RAD51B: variants seen among roughly 807,000 people sequenced by gnomAD.
RAD51B encodes the protein DNA repair protein RAD51 homolog 2.
In RAD51B, 38 loss-of-function variants were observed where a neutral mutation model predicts 42.2. The observed-to-expected ratio is 0.90, with a 90% CI of 0.70 to 1.18. The LOEUF (loss-of-function observed/expected upper bound fraction) is 1.18, where lower values mean the gene tolerates loss of function less well. Ranked by LOEUF, RAD51B falls within the 50% of genes most tolerant of loss-of-function variation. RAD51B has a pLI of 0.00. For missense variants in RAD51B, 373 were observed against 400.7 expected (o/e 0.93, Z 0.59); for synonymous variants, 154 against 145.2 (o/e 1.06, Z -0.43).
intron 7 of RAD51B, chr14:67,908,473 G>C (rs957450278): frequency 6.6e-6 from 1 of 151,828 alleles, no homozygotes; most frequent in Non-Finnish European, 1.5e-5. Flanking sequence ...TAGGATTTCT[G>C]TGAGTAAATT....
Position 68,256,858 on chromosome 14 carries a change from A to G in RAD51B, c.757-35026A>G, listed in dbSNP as rs1395395236. On this transcript the variant is annotated intron_variant, in intron 7 of 10. Coordinates refer to ENST00000471583, the MANE Select transcript of RAD51B (RefSeq NM_133510.4). ...TCAGATAAATACTAAAGTCATAAAC[A>G]TAAAATCTGGATTTATTCATATAAG... is the stretch of plus-strand genomic sequence containing the variant. 3.3e-5 allele frequency among the ~76,000 whole-genome samples: 5 copies of G among 152,354 alleles called. No homozygotes were observed. In the East Asian group the frequency reaches 9.6e-4, roughly 29 times the overall value.
In RAD51B at chr14:67,854,742, C is replaced by T. The variant is rs557803341; in HGVS notation, c.316-10261C>T. On this transcript the variant is annotated intron_variant, in intron 4 of 10. Coordinates refer to ENST00000471583, the MANE Select transcript of RAD51B (RefSeq NM_133510.4). ...CTTTGGGAGGCTGAAGCAGAAGGAT[C>T]GCTTGAGGCCAGGAGTTTGAGACCA... 8.2e-4 allele frequency among the ~76,000 whole-genome samples: 125 copies of T among 151,880 alleles called. 1 individual carries two copies. The highest frequency in any genetic ancestry group is 2.8e-4 in the Non-Finnish European group (19 of 67,958).
chr14:68,301,521 A>G, intron 8 of RAD51B, among the ~76,000 whole-genome samples: 1 of 151,980 alleles, frequency 6.6e-6, no homozygotes, highest in East Asian at 1.9e-4. Flanking sequence ...GGATACTACA[A>G]AACTAAGGTA....
intron 9 of RAD51B, among the ~76,000 whole-genome samples, chr14:68,462,486 A>G (rs1411840140): frequency 6.6e-6 from 1 of 152,238 alleles, no homozygotes; most frequent in Non-Finnish European, 1.5e-5. Context: ...TCCAGATGGT[A>G]GTGGGATTGG....
At chr14:68,171,341 C>T (rs1350211182) in intron 7 of RAD51B, among the ~76,000 whole-genome samples, 1 of 152,122 alleles carries the variant, frequency 6.6e-6, no homozygotes, top group African/African-American at 2.4e-5. Flanking sequence ...TCCTGTTGCC[C>T]AGTCTGGAGT....
chr14:67,981,888 A>C (rs1237997903), intron 7 of RAD51B, among the ~76,000 whole-genome samples: 1 of 152,208 alleles, frequency 6.6e-6, no homozygotes, highest in East Asian at 1.9e-4. Flanking sequence ...CTGTGATGAT[A>C]GTTTTGCAGG....
intron 9 of RAD51B, among the ~76,000 whole-genome samples, chr14:68,459,804 G>C (rs2085797939): frequency 6.6e-6 from 1 of 152,198 alleles, no homozygotes; most frequent in South Asian, 2.1e-4. Flanking sequence ...GGGATAGAAA[G>C]AAAGCCAGTC....
chr14:68,394,744 G>A (rs949063126), intron 8 of RAD51B, among the ~76,000 whole-genome samples: 1 of 152,198 alleles, frequency 6.6e-6, no homozygotes, highest in Admixed American at 6.5e-5. Context: ...GAGGCTTTGG[G>A]CCCGGGCTCC....
chr14:68,095,430 T>C lies in RAD51B; in HGVS notation c.757-196454T>C, dbSNP rs577827234. ...GATCATGCTTAATTGTGTTACAATA[T>C]AAAGAAGTCTTCCTCCATGGTATTT... On this transcript the variant is annotated intron_variant, in intron 7 of 10. Transcript: ENST00000471583. 7.9e-5 allele frequency among the ~76,000 whole-genome samples: 12 copies of C among 152,274 alleles called. No homozygotes were observed. In the East Asian group the frequency reaches 2.3e-3, roughly 29 times the overall value.
chr14:68,354,528 A>G (rs573646218), intron 8 of RAD51B, among the ~76,000 whole-genome samples: 1 of 151,868 alleles, frequency 6.6e-6, no homozygotes, highest in South Asian at 2.1e-4. Flanking sequence ...AATGTTTTAA[A>G]CGAGTAAAAT....
intron 2 of RAD51B, among the ~76,000 whole-genome samples, chr14:67,824,947 G>A (rs1432133257): frequency 6.6e-6 from 1 of 151,660 alleles, no homozygotes; most frequent in Non-Finnish European, 1.5e-5. Context: ...GCATGGTAGT[G>A]AGTGCCTGTA....
At chr14:68,395,996 G>A (rs948709788) in intron 8 of RAD51B, among the ~76,000 whole-genome samples, 7 of 152,150 alleles carry the variant, frequency 4.6e-5, no homozygotes, top group Non-Finnish European at 7.4e-5. Context: ...AGAATCCACC[G>A]TTAGGGTCTA....
chr14:68,561,815 C>T (rs2842327), intron 10 of RAD51B, among the ~76,000 whole-genome samples: 1 of 152,054 alleles, frequency 6.6e-6, no homozygotes, highest in Non-Finnish European at 1.5e-5. Flanking sequence ...ATGAACATAC[C>T]GGCTTTAGAG....
At chr14:68,514,853 T>C (rs181946940) in intron 10 of RAD51B, among the ~76,000 whole-genome samples, 4,051 of 152,314 alleles carry the variant, frequency 0.027, 171 homozygotes, top group East Asian at 0.093. Context: ...TCTCACTGGC[T>C]GTTTTCTTTC....
chr14:68,291,244 G>A (rs1383440306), intron 7 of RAD51B, among the ~76,000 whole-genome samples: 1 of 151,904 alleles, frequency 6.6e-6, no homozygotes, highest in Non-Finnish European at 1.5e-5. Flanking sequence ...TGTTGTCCAG[G>A]CTAGAGTGCA....
rs61986915 is a variant in RAD51B, at chr14:68,418,214, A to T, written c.957+6687A>T. ...AAGGTAAAGGCACTTTAACACCAAAAAGTAGAAAGGACATATCTAGAAGGA... is the reference window on the plus strand; with the variant it reads ...AAGGTAAAGGCACTTTAACACCAAATAGTAGAAAGGACATATCTAGAAGGA... On this transcript the variant is annotated intron_variant, in intron 9 of 10. Coordinates refer to ENST00000471583, the MANE Select transcript of RAD51B (RefSeq NM_133510.4). Among the ~76,000 whole-genome samples the T allele has an allele frequency of 5.1e-3, 772 of 152,304 alleles. 5 individuals are homozygous for T. Among genetic ancestry groups the T allele is most frequent in the South Asian group, 0.034 (164 of 4,820 alleles).
chr14:67,881,661 A>G (rs578059331), intron 5 of RAD51B, among the ~76,000 whole-genome samples: 1 of 152,248 alleles, frequency 6.6e-6, no homozygotes, highest in Middle Eastern at 3.4e-3. Flanking sequence ...AGGTGATTGT[A>G]AGCTCATTGT....
chr14:68,431,730 G>GT (rs1207269103), intron 9 of RAD51B, among the ~76,000 whole-genome samples: 5 of 152,100 alleles, frequency 3.3e-5, no homozygotes, highest in African/African-American at 1.2e-4. Context: ...TTTTTGAAGG[G>GT]TTTTTTATGT....
chr14:68,542,028 A>G (rs977363083), intron 10 of RAD51B, among the ~76,000 whole-genome samples: 2 of 152,212 alleles, frequency 1.3e-5, no homozygotes, highest in Admixed American at 6.5e-5. Context: ...CTTTCCTAAT[A>G]TATTATGTAC....
Sources: gnomAD v4.1 joint callset for allele counts (sites outside exome capture counted in the v4.1 genomes callset) on GRCh38, gnomAD v4.1.1 for gene constraint, MANE v1.5 for transcripts, NCBI Gene and HGNC (gene_info 2026-07-23, HGNC 2026-07-21) for gene names.